Variants in YAF2 observed in about 807,000 individuals in gnomAD.
YAF2 encodes YY1 associated factor 2.
YAF2 carries 7 observed loss-of-function variants against 20.1 expected under a neutral mutation model. The observed-to-expected ratio is 0.35, with a 90% CI of 0.20 to 0.65. The LOEUF is 0.65. YAF2 is among the 30% of genes least tolerant of loss of function. The pLI is 0.69. For synonymous variants in YAF2, 74 were observed against 76.0 expected, an observed-to-expected ratio of 0.97 and a Z score of 0.14; for missense variants, 151 against 219.2, an observed-to-expected ratio of 0.69 and a Z score of 1.96.
intron 2 of YAF2, among the ~76,000 whole-genome samples, chr12:42,194,367 G>C (rs1448474154): frequency 1.3e-5 from 2 of 152,190 alleles, no homozygotes; most frequent in Non-Finnish European, 2.9e-5. Context: ...AAGCCGGCCA[G>C]GCAGGATGGC....
intron 2 of YAF2, chr12:42,210,210 C>T (rs2067166859): frequency 4.7e-6 from 2 of 421,550 alleles, no homozygotes; most frequent in South Asian, 2.2e-5. Flanking sequence ...ACTGTCCACA[C>T]AATAATTTCC....
intron 2 of YAF2, among the ~76,000 whole-genome samples, chr12:42,171,068 CT>C (rs2066034995): frequency 1.3e-5 from 2 of 152,042 alleles, no homozygotes; most frequent in Non-Finnish European, 2.9e-5. Flanking sequence ...TCTCGGCTAA[CT>C]GCAACCTCCG....
At chr12:42,228,213 C>G (rs1359463884) in intron 2 of YAF2, among the ~76,000 whole-genome samples, 1 of 89,968 alleles carries the variant, frequency 1.1e-5, no homozygotes, top group African/African-American at 4.7e-5. Context: ...GTCGGCCCCC[C>G]GCCCGGCCAG....
At chr12:42,207,859 C>G (rs1190431869) in intron 2 of YAF2, among the ~76,000 whole-genome samples, 3 of 152,070 alleles carry the variant, frequency 2.0e-5, no homozygotes, top group Non-Finnish European at 4.4e-5. Context: ...CCACTGCACT[C>G]CAGCCTGGGC....
At chr12:42,212,756 T>C (rs2067248787) in intron 2 of YAF2, among the ~76,000 whole-genome samples, 1 of 152,354 alleles carries the variant, frequency 6.6e-6, no homozygotes, top group East Asian at 1.9e-4. Flanking sequence ...AAATTTAAGA[T>C]ACAAATTGCC....
chr12:42,226,954 G>C (rs1011166202), intron 2 of YAF2, among the ~76,000 whole-genome samples: 3 of 149,666 alleles, frequency 2.0e-5, no homozygotes, highest in Admixed American at 6.6e-5. Context: ...TGGTTGGCGC[G>C]GCTGCGCTGC....
chr12:42,199,308 T>C (rs772301528), intron 2 of YAF2: 1 of 801,236 alleles, frequency 1.2e-6, no homozygotes, highest in Non-Finnish European at 1.7e-6. Flanking sequence ...ATAGTTTAAA[T>C]CCATCAAACA....
At chr12:42,232,500 CA>C (rs1157169110) in intron 2 of YAF2, 4 of 985,246 alleles carry the variant, frequency 4.1e-6, no homozygotes, top group Admixed American at 6.1e-5. Context: ...TCTTACAGGA[CA>C]AAAAACAAAC....
chr12:42,207,794 G>GGCAGGAGAATGGCGTGAAT (rs1555159699), intron 2 of YAF2, among the ~76,000 whole-genome samples: 7 of 151,336 alleles, frequency 4.6e-5, no homozygotes, highest in Non-Finnish European at 1.0e-4. Context: ...GGGAGGCTGA[G>GGCAGGAGAATGGCGTGAAT]GCAGGAGAAT....
At chr12:42,237,451 T>G in intron 2 of YAF2, 148 bp downstream of exon 2, 1 of 1,329,090 alleles carries the variant, frequency 7.5e-7, no homozygotes, top group South Asian at 1.8e-5. Context: ...TTGCGATCAA[T>G]GTGACCCAGT....
rs2067013905 is a variant in YAF2, at chr12:42,205,418, C to T, written c.152+32181G>A. ...TGAGACGGAGTCTCGCTCTGTCACC[C>T]AGGCTGGAGTGCAGTGGCACAATCT... On this transcript the variant is annotated intron_variant, in intron 2 of 3. Coordinates refer to ENST00000534854, the MANE Select transcript of YAF2 (RefSeq NM_005748.6). 2.6e-5 allele frequency among the ~76,000 whole-genome samples: 4 copies of T among 151,628 alleles called. No individual in the cohort carries two copies. In the South Asian group the frequency reaches 6.3e-4, roughly 24 times the overall value.
At chr12:42,185,279 T>C (rs1429426376) in intron 2 of YAF2, among the ~76,000 whole-genome samples, 1 of 152,246 alleles carries the variant, frequency 6.6e-6, no homozygotes, top group Non-Finnish European at 1.5e-5. Flanking sequence ...CTTTCACAGA[T>C]GAGGAGTTGC....
chr12:42,181,027 T>C (rs1032283909), intron 2 of YAF2, among the ~76,000 whole-genome samples: 1 of 152,220 alleles, frequency 6.6e-6, no homozygotes, highest in African/African-American at 2.4e-5. Flanking sequence ...GATGGCTTCT[T>C]TGATACACCT....
chr12:42,202,102 T>A (rs1409724210), intron 2 of YAF2, among the ~76,000 whole-genome samples: 1 of 152,064 alleles, frequency 6.6e-6, no homozygotes, highest in Non-Finnish European at 1.5e-5. Flanking sequence ...AGAGATCTAG[T>A]TTCCCCCCCC....
At chr12:42,163,483 G>A (rs997928114) in intron 2 of YAF2, among the ~76,000 whole-genome samples, 2 of 152,066 alleles carry the variant, frequency 1.3e-5, no homozygotes, top group Admixed American at 1.3e-4. Context: ...AGTGTTGTTT[G>A]TTGTTATTTT....
At chr12:42,173,740 A>T (rs2137008917) in intron 2 of YAF2, among the ~76,000 whole-genome samples, 1 of 152,314 alleles carries the variant, frequency 6.6e-6, no homozygotes, top group East Asian at 1.9e-4. Context: ...TTTATTAAGC[A>T]TTTACTATGT....
At chr12:42,161,385 T>C in intron 3 of YAF2, 1 of 382,950 alleles carries the variant, frequency 2.6e-6, no homozygotes. Context: ...ACAAATGTCT[T>C]CCAATCTCGT....
intron 2 of YAF2, among the ~76,000 whole-genome samples, chr12:42,175,005 T>C (rs1429741260): frequency 6.6e-6 from 1 of 152,146 alleles, no homozygotes; most frequent in Admixed American, 6.6e-5. Context: ...ATCCATAACA[T>C]CCAGGCATTT....
rs940784684 is a variant in YAF2, at chr12:42,159,087, T to C, written c.*1502A>G. On this transcript the variant is annotated 3_prime_UTR_variant, in exon 4 of 4. Transcript: ENST00000534854. ...CTTTTACTGTATGCAATTAATTGTA[T>C]TTCACAACTAGCATCTTACAAAAAA... 6.6e-6 allele frequency: 1 copy of C among 152,174 alleles called. No individual in the cohort carries two copies. The highest frequency in any genetic ancestry group is 1.5e-5 in the Non-Finnish European group (1 of 68,002). 9.4% of individuals were successfully genotyped at this position (152,174 alleles called of 1,614,324 possible). A position where few individuals can be genotyped will look rare whatever the true frequency, so the allele number is the denominator to read the frequency against.
Sources: allele counts gnomAD v4.1 joint callset (sites outside exome capture counted in the v4.1 genomes callset), GRCh38; gene constraint gnomAD v4.1.1; transcripts MANE v1.5; gene names NCBI Gene and HGNC (gene_info 2026-07-23, HGNC 2026-07-21).